Variants in SAFB observed in about 807,000 individuals in gnomAD.
SAFB encodes the protein scaffold attachment factor B, also known as scaffold attachment factor B1.
Under a neutral mutation model 101.6 loss-of-function variants are expected in SAFB, and 15 were observed. The observed-to-expected ratio is 0.15, with a 90% CI of 0.10 to 0.23. The LOEUF is 0.23. SAFB is among the 10% of genes least tolerant of loss of function. The pLI is 1.00. For missense variants in SAFB, 930 were observed against 1,104.1 expected (o/e 0.84, Z 2.23); for synonymous variants, 449 against 407.5 (o/e 1.10, Z -1.23).
chr19:5,638,448 G>A lies in SAFB; in HGVS notation c.275-3146G>A, dbSNP rs553614642. ...ATTCTCCTGCGTCAACCCCCCCACC[G>A]AGTAGCTGGGATTACAGGCACCTGC... On this transcript the variant is annotated intron_variant, in intron 2 of 20. Transcript: ENST00000588852. 4.0e-5 allele frequency among the ~76,000 whole-genome samples: 6 copies of A among 151,432 alleles called. No individual in the cohort carries two copies. The South Asian group carries it at 8.3e-4, about 21-fold the overall frequency.
Position 5,657,896 on chromosome 19 carries a change from G to A in SAFB, c.1862+549G>A, listed in dbSNP as rs752824079. 4.1e-4 allele frequency among the ~76,000 whole-genome samples: 62 copies of A among 152,142 alleles called. 1 individual carries two copies. The highest frequency in any genetic ancestry group is 1.8e-4 in the Non-Finnish European group (12 of 68,044). Reference sequence around the variant, plus strand: ...GGTAACAAAGGCAGGGAGATGGAATGCCTTCCAGCGTCAGTAGTGCTCGTC... The same window carrying A: ...GGTAACAAAGGCAGGGAGATGGAATACCTTCCAGCGTCAGTAGTGCTCGTC... On this transcript the variant is annotated intron_variant, in intron 14 of 20. Coordinates refer to ENST00000588852, the MANE Select transcript of SAFB (RefSeq NM_001201338.2).
chr19:5,642,096 A>G (rs760244715), intron 4 of SAFB, 150 bp downstream of exon 4: 41 of 723,304 alleles, frequency 5.7e-5, no homozygotes, highest in Non-Finnish European at 7.9e-5. Flanking sequence ...TTCTGAACCA[A>G]TTTGTTTTGT....
chr19:5,645,306 A>G (rs2053803664), intron 4 of SAFB, 31 bp from the exon 5 acceptor site: 1 of 891,980 alleles, frequency 1.1e-6, no homozygotes, highest in Admixed American at 1.7e-5. Flanking sequence ...TGTTGGTGTG[A>G]TGAACTGTAT....
chr19:5,639,397 TAAG>T (rs2053658321), intron 2 of SAFB, among the ~76,000 whole-genome samples: 1 of 152,080 alleles, frequency 6.6e-6, no homozygotes, highest in African/African-American at 2.4e-5. Context: ...CTTGGCCACA[TAAG>T]AGTGAAATGG....
chr19:5,663,807 G>A (rs1304965956), intron 15 of SAFB, among the ~76,000 whole-genome samples: 3 of 152,150 alleles, frequency 2.0e-5, no homozygotes, highest in Non-Finnish European at 2.9e-5. Flanking sequence ...TTGGAAAACC[G>A]AGGCCGCTTT....
At chr19:5,645,205 T>C (rs2053801658) in intron 4 of SAFB, 132 bp from the exon 5 acceptor site, 1 of 556,462 alleles carries the variant, frequency 1.8e-6, no homozygotes, top group South Asian at 2.3e-5. Flanking sequence ...AATAGTGTTT[T>C]GATTTCTGCC....
intron 2 of SAFB, among the ~76,000 whole-genome samples, chr19:5,628,079 C>T (rs1421726848): frequency 4.6e-5 from 7 of 152,152 alleles, no homozygotes; most frequent in African/African-American, 1.7e-4. Context: ...GATGAAACCC[C>T]GTCTCTACTA....
intron 2 of SAFB, among the ~76,000 whole-genome samples, chr19:5,633,311 C>G (rs1362928140): frequency 6.6e-6 from 1 of 152,172 alleles, no homozygotes; most frequent in East Asian, 1.9e-4. Context: ...CCATTGGGAA[C>G]CCTGTCAGAC....
At position 5,653,398 on chromosome 19, in the gene SAFB, G is replaced by A; in HGVS notation, c.1504G>A (p.Glu502Lys). Residue 502 changes from glutamate to lysine, a missense_variant, in exon 11 of 21, where the codon GAG becomes AAG. Around this residue, in one of 7 missense-constraint regions of SAFB, gnomAD observed 92 missense variants for 83.8 expected, o/e 1.10. Coordinates refer to ENST00000588852, the MANE Select transcript of SAFB (RefSeq NM_001201338.2). ...CAAAAGAGACAGTGACGGGAAAAAGGAGAAGTCGAGCAACAGTGACAGGTA... is the reference window on the plus strand; with the variant it reads ...CAAAAGAGACAGTGACGGGAAAAAGAAGAAGTCGAGCAACAGTGACAGGTA... The part of the protein sequence containing the change: ...SDKRDSDGKK[E>K]KSSNSDRSTN... 2 of 1,614,150 alleles carry A rather than the reference G, an allele frequency of 1.2e-6. No individual in the cohort carries two copies. Among genetic ancestry groups the A allele is most frequent in the Non-Finnish European group, 1.7e-6 (2 of 1,180,016 alleles).
Position 5,667,606 on chromosome 19 carries a change from G to C in SAFB, c.2557+156G>C, listed in dbSNP as rs2054362547. ...CTCCAGACACCGCCTGCTCTCTGGT[G>C]GTCTGGCCCAGGAGTTGGACAGTGG... On this transcript the variant is annotated intron_variant, in intron 19 of 20. Coordinates refer to ENST00000588852, the MANE Select transcript of SAFB (RefSeq NM_001201338.2). The surrounding 1 kb of genome is among the most constrained non-coding windows in gnomAD (Gnocchi z 4.0). 5 of 704,442 alleles carry C rather than the reference G, an allele frequency of 7.1e-6. No individual in the cohort carries two copies. In the East Asian group the frequency reaches 1.4e-4, roughly 19 times the overall value. 43.6% of individuals were successfully genotyped at this position (704,442 alleles called of 1,614,324 possible).
chr19:5,658,307 C>T (rs2054111568), intron 14 of SAFB, among the ~76,000 whole-genome samples: 1 of 152,158 alleles, frequency 6.6e-6, no homozygotes, highest in Admixed American at 6.5e-5. Flanking sequence ...ACTGACAGGG[C>T]CTCATTCTTA....
chr19:5,632,579 C>T (rs1006497505), intron 2 of SAFB, among the ~76,000 whole-genome samples: 1 of 152,182 alleles, frequency 6.6e-6, no homozygotes, highest in African/African-American at 2.4e-5. Flanking sequence ...TGCATTGCAT[C>T]AGGTTGTCAT....
At chr19:5,642,456 T>G (rs994069139) in intron 4 of SAFB, among the ~76,000 whole-genome samples, 5 of 140,990 alleles carry the variant, frequency 3.5e-5, no homozygotes, top group Admixed American at 3.5e-4. Flanking sequence ...ATCTCTTGTT[T>G]AAAACAAACA....
At chr19:5,660,214 C>T (rs2054163315) in intron 14 of SAFB, among the ~76,000 whole-genome samples, 1 of 151,980 alleles carries the variant, frequency 6.6e-6, no homozygotes, top group Non-Finnish European at 1.5e-5. Flanking sequence ...CTGCATATAA[C>T]CCATGTACAT....
At chr19:5,665,299 T>C (rs1748814210) in intron 17 of SAFB, 2 of 152,168 alleles carry the variant, frequency 1.3e-5, no homozygotes, top group Non-Finnish European at 2.9e-5. Flanking sequence ...TGGATTTTCT[T>C]TGGTGGAGGA....
rs778582827 is a variant in SAFB at position 5,626,410 on chromosome 19, T to C, written c.195T>C (p.Ile65=). The change falls in exon 2 of 21, where the codon ATT becomes ATC. Residue 65 remains isoleucine (I), a synonymous_variant. Transcript: ENST00000588852. ...TACTTTTCCCTTCTTTTTAGGCAAT[T>C]GAAGATGAAGGTGGTAATCCTGACG... ...SVLMERLKKA[I]EDEGGNPDEI... The C allele has an allele frequency of 2.7e-5, 43 of 1,596,844 alleles. No individual in the cohort carries two copies. Among genetic ancestry groups the C allele is most frequent in the East Asian group, 4.5e-5 (2 of 44,782 alleles).
intron 4 of SAFB, among the ~76,000 whole-genome samples, chr19:5,642,651 C>CTTTCTTTTTT (rs1555696821): frequency 1.4e-5 from 1 of 70,842 alleles, no homozygotes; most frequent in Admixed American, 2.3e-4. Flanking sequence ...CCCTTCCTTT[C>CTTTCTTTTTT]TTTTTTTTTT....
intron 8 of SAFB, among the ~76,000 whole-genome samples, chr19:5,650,291 G>T (rs1477748235): frequency 6.6e-6 from 1 of 152,130 alleles, no homozygotes; most frequent in African/African-American, 2.4e-5. Context: ...TGTTCTAAAG[G>T]AGTAAAAACA....
intron 17 of SAFB, chr19:5,664,688 C>T: frequency 2.2e-6 from 1 of 458,554 alleles, no homozygotes; most frequent in Admixed American, 3.4e-5. Context: ...GTGTGCCACA[C>T]TCACCACACA....
Sources: gnomAD v4.1 joint callset for allele counts (sites outside exome capture counted in the v4.1 genomes callset) on GRCh38, gnomAD v4.1.1 for gene constraint, gnomAD v4.1.1 regional missense constraint, Gnocchi (gnomAD v3.1) non-coding constraint, MANE v1.5 for transcripts, NCBI Gene and HGNC (gene_info 2026-07-23, HGNC 2026-07-21) for gene names.